CCDC138: variants seen among roughly 807,000 people sequenced by gnomAD.
CCDC138 encodes coiled-coil domain containing 138, also known as coiled-coil domain-containing protein 138.
CCDC138 carries 66 observed loss-of-function variants against 82.3 expected under a neutral mutation model. The ratio of observed to expected loss-of-function variants is 0.80; its 90% CI spans 0.66 to 0.98. CCDC138 has a LOEUF of 0.98. CCDC138 is among the 50% of genes least tolerant of loss of function. CCDC138 has a pLI of 0.00. For missense variants in CCDC138, 816 were observed against 758.9 expected, an observed-to-expected ratio of 1.08 and a Z score of -0.88; for synonymous variants, 297 against 265.4, an observed-to-expected ratio of 1.12 and a Z score of -1.16.
At chr2:108,871,378 A>G (rs1193231383) in intron 13 of CCDC138, among the ~76,000 whole-genome samples, 1 of 149,342 alleles carries the variant, frequency 6.7e-6, no homozygotes, top group Non-Finnish European at 1.5e-5. Flanking sequence ...ATTAAAAAAA[A>G]AAAAAAAAAA....
intron 11 of CCDC138, among the ~76,000 whole-genome samples, chr2:108,842,084 CAGTGATGATCAT>C (rs1304117684): frequency 1.3e-5 from 2 of 152,080 alleles, no homozygotes; most frequent in Non-Finnish European, 2.9e-5. Flanking sequence ...GGCAGGAGTG[CAGTGATGATCAT>C]AGATCACTGC....
At chr2:108,844,430 T>C (rs1195298616) in intron 11 of CCDC138, among the ~76,000 whole-genome samples, 3 of 152,158 alleles carry the variant, frequency 2.0e-5, no homozygotes, top group Admixed American at 1.3e-4. Context: ...GGTAAGACTT[T>C]CTGTGTCTTC....
intron 10 of CCDC138, among the ~76,000 whole-genome samples, chr2:108,832,248 A>G (rs1043093926): frequency 2.0e-5 from 3 of 151,618 alleles, no homozygotes. Context: ...GCTGGTCTCA[A>G]ACTCCTGACC....
downstream of CCDC138, among the ~76,000 whole-genome samples, chr2:108,881,294 G>A (rs1385889647): frequency 1.3e-5 from 2 of 152,188 alleles, no homozygotes; most frequent in Admixed American, 1.3e-4. Context: ...ACCAACCTCT[G>A]CTAGCTTCAA....
At chr2:108,789,509 A>T (rs1679546709) in intron 3 of CCDC138, among the ~76,000 whole-genome samples, 1 of 152,168 alleles carries the variant, frequency 6.6e-6, no homozygotes. Context: ...CAGGAGAATC[A>T]CTTGAACCCG....
chr2:108,795,075 T>C (rs1449695385), intron 5 of CCDC138, among the ~76,000 whole-genome samples: 1 of 152,112 alleles, frequency 6.6e-6, no homozygotes, highest in Non-Finnish European at 1.5e-5. Context: ...AAAGTCTTCT[T>C]GTCAACTCTC....
At chr2:108,802,473 T>C (rs1278767097) in intron 6 of CCDC138, among the ~76,000 whole-genome samples, 2 of 144,536 alleles carry the variant, frequency 1.4e-5, no homozygotes, top group Admixed American at 1.4e-4. Context: ...TTTTGTACAT[T>C]GATTTTGTAT....
intron 10 of CCDC138, among the ~76,000 whole-genome samples, chr2:108,836,560 A>G (rs954441608): frequency 6.6e-6 from 1 of 152,152 alleles, no homozygotes. Flanking sequence ...TCTATTTTCA[A>G]TTTTTGAAGA....
At chr2:108,815,636 T>C (rs1193975368) in intron 9 of CCDC138, among the ~76,000 whole-genome samples, 4 of 151,882 alleles carry the variant, frequency 2.6e-5, no homozygotes, top group African/African-American at 9.7e-5. Flanking sequence ...CAGCTAATTT[T>C]ATTTTTAGTA....
chr2:108,815,868 C>A (rs1479779096), intron 9 of CCDC138, 73 bp from the exon 10 acceptor site: 2 of 1,262,766 alleles, frequency 1.6e-6, no homozygotes, highest in Admixed American at 2.2e-5. Context: ...TATTACTTAA[C>A]AAATTTAAGG....
chr2:108,884,709 C>T (rs1294846187), intron 2 of CCDC138: 2 of 152,162 alleles, frequency 1.3e-5, no homozygotes, highest in Non-Finnish European at 2.9e-5. Flanking sequence ...GAGATTGTGT[C>T]CTCCCGGATA....
chr2:108,858,676 T>G (rs1409598794), intron 13 of CCDC138, among the ~76,000 whole-genome samples: 1 of 152,114 alleles, frequency 6.6e-6, no homozygotes, highest in African/African-American at 2.4e-5. Flanking sequence ...TACCATATAT[T>G]TAATTTTCTC....
At chr2:108,811,247 C>CTTTTTTTTTTTTTTTTTTTTTTTTTTT (rs55661786) in intron 7 of CCDC138, among the ~76,000 whole-genome samples, 4 of 113,906 alleles carry the variant, frequency 3.5e-5, no homozygotes, top group Admixed American at 9.9e-5. Context: ...TTCTCTCTCT[C>CTTTTTTTTTTTTTTTTTTTTTTTTTTT]TTTTTTTTTT....
Position 108,866,826 on chromosome 2 carries a change from T to A in CCDC138, c.1694-6625T>A, listed in dbSNP as rs139995697. 1.8e-3 allele frequency among the ~76,000 whole-genome samples: 276 copies of A among 150,858 alleles called. 3 individuals are homozygous for A. The highest frequency in any genetic ancestry group is 6.5e-3 in the African/African-American group (267 of 41,002). ...TGAACCCGGGAGGTGGAGTTTGCAG[T>A]GAGCCGAGATCACGCCACGGCACTC... On this transcript the variant is annotated intron_variant, in intron 13 of 14. Coordinates refer to ENST00000295124, the MANE Select transcript of CCDC138 (RefSeq NM_144978.3).
At chr2:108,864,072 C>T (rs542718589) in intron 13 of CCDC138, among the ~76,000 whole-genome samples, 50 of 152,098 alleles carry the variant, frequency 3.3e-4, no homozygotes, top group African/African-American at 1.1e-3. Flanking sequence ...TGATGTGTTA[C>T]ACTAGTGTGT....
intron 6 of CCDC138, among the ~76,000 whole-genome samples, chr2:108,803,446 T>G (rs1209936076): frequency 6.6e-6 from 1 of 152,202 alleles, no homozygotes; most frequent in Non-Finnish European, 1.5e-5. Flanking sequence ...AAAAAATTTT[T>G]TTTTAATTGT....
chr2:108,840,554 A>C (rs1689281374), intron 11 of CCDC138, among the ~76,000 whole-genome samples: 1 of 152,118 alleles, frequency 6.6e-6, no homozygotes, highest in African/African-American at 2.4e-5. Context: ...GATTTGTAGT[A>C]GTTTGTGCTT....
chr2:108,841,220 C>T (rs546458325), intron 11 of CCDC138, among the ~76,000 whole-genome samples: 4 of 152,174 alleles, frequency 2.6e-5, no homozygotes, highest in African/African-American at 9.6e-5. Flanking sequence ...TGTTTTATGG[C>T]TGAGAATATG....
chr2:108,794,487 T>C, intron 4 of CCDC138, 53 bp from the exon 5 acceptor site: 1 of 1,493,856 alleles, frequency 6.7e-7, no homozygotes, highest in Non-Finnish European at 9.1e-7. Flanking sequence ...TCTGAGAATA[T>C]TTGAAACAAT....
Sources: allele counts gnomAD v4.1 joint callset (sites outside exome capture counted in the v4.1 genomes callset), GRCh38; gene constraint gnomAD v4.1.1; transcripts MANE v1.5; gene names NCBI Gene and HGNC (gene_info 2026-07-23, HGNC 2026-07-21).